Variants in SLC1A1 observed in about 807,000 individuals in gnomAD.
SLC1A1 encodes the protein solute carrier family 1 member 1.
SLC1A1 carries 43 observed loss-of-function variants against 53.3 expected under a neutral mutation model. The ratio of observed to expected loss-of-function variants is 0.81; its 90% CI spans 0.63 to 1.04. The LOEUF (loss-of-function observed/expected upper bound fraction) is 1.04, where lower values mean the gene tolerates loss of function less well. Ranked by LOEUF, SLC1A1 falls within the 50% of genes least tolerant of loss-of-function variation. The probability of loss-of-function intolerance (pLI) is 0.00; values close to 1 mark genes in which losing one functional copy is unlikely to be tolerated. For synonymous variants in SLC1A1, 307 were observed against 243.2 expected, an observed-to-expected ratio of 1.26 and a Z score of -2.44; for missense variants, 748 against 664.9, an observed-to-expected ratio of 1.12 and a Z score of -1.37.
chr9:4,584,722 G>C (rs993535845), intron 11 of SLC1A1, among the ~76,000 whole-genome samples: 3 of 152,166 alleles, frequency 2.0e-5, no homozygotes, highest in African/African-American at 7.2e-5. Context: ...ATTAAGACTG[G>C]ATGAGGGTGG....
At chr9:4,545,189 G>GTCTCTCTCTCTTTCTCTCTC (rs1817373222) in intron 2 of SLC1A1, among the ~76,000 whole-genome samples, 1 of 130,906 alleles carries the variant, frequency 7.6e-6, no homozygotes, top group African/African-American at 2.9e-5. Context: ...TACATTAGAT[G>GTCTCTCTCTCTTTCTCTCTC]TCTCTCTCTC....
intron 4 of SLC1A1, 111 bp from the exon 5 acceptor site, chr9:4,565,936 A>G (rs1819443125): frequency 1.2e-6 from 1 of 866,636 alleles, no homozygotes; most frequent in African/African-American, 1.7e-5. Context: ...AGGGGCCAGA[A>G]GAGAAACCAG....
intron 1 of SLC1A1, among the ~76,000 whole-genome samples, chr9:4,494,096 A>G (rs1461347613): frequency 6.6e-6 from 1 of 152,198 alleles, no homozygotes; most frequent in Non-Finnish European, 1.5e-5. Context: ...CCTCTGCTAA[A>G]ATACCACTAG....
intron 1 of SLC1A1, among the ~76,000 whole-genome samples, chr9:4,491,676 T>C (rs560901040): frequency 6.6e-5 from 10 of 152,340 alleles, no homozygotes; most frequent in Admixed American, 4.6e-4. Flanking sequence ...ATGCACTTCC[T>C]TGGGATTAGC....
At chr9:4,579,170 G>C (rs1820834016) in intron 10 of SLC1A1, among the ~76,000 whole-genome samples, 1 of 152,228 alleles carries the variant, frequency 6.6e-6, no homozygotes, top group Admixed American at 6.5e-5. Flanking sequence ...AAAAGTGTTA[G>C]CGGCTAAAGA....
At chr9:4,534,657 T>A (rs1193732019) in intron 1 of SLC1A1, among the ~76,000 whole-genome samples, 1 of 150,848 alleles carries the variant, frequency 6.6e-6, no homozygotes, top group Admixed American at 6.7e-5. Context: ...GTACCATTCC[T>A]TCTGAAACTA....
chr9:4,535,732 A>G, intron 1 of SLC1A1, among the ~76,000 whole-genome samples: 1 of 152,090 alleles, frequency 6.6e-6, no homozygotes, highest in African/African-American at 2.4e-5. Flanking sequence ...TGGAACCAAA[A>G]AAGAGCCCAC....
At chr9:4,534,061 T>C (rs1401450763) in intron 1 of SLC1A1, among the ~76,000 whole-genome samples, 1 of 152,086 alleles carries the variant, frequency 6.6e-6, no homozygotes, top group Non-Finnish European at 1.5e-5. Context: ...TTCAAAGCAG[T>C]GTGTAGAGGG....
chr9:4,519,604 C>G (rs1214997543), intron 1 of SLC1A1, among the ~76,000 whole-genome samples: 1 of 152,130 alleles, frequency 6.6e-6, no homozygotes, highest in Non-Finnish European at 1.5e-5. Context: ...TTCCTGCAGG[C>G]CAAGGGCAGG....
At chr9:4,571,518 A>G (rs1820046583) in intron 6 of SLC1A1, among the ~76,000 whole-genome samples, 1 of 152,098 alleles carries the variant, frequency 6.6e-6, no homozygotes, top group Non-Finnish European at 1.5e-5. Context: ...TCTACTAAAA[A>G]TACAAAAAAT....
Position 4,585,509 on chromosome 9 carries a change from C to T in SLC1A1, c.1526C>T (p.Ala509Val). 1 of 1,614,192 alleles carries T rather than the reference C, an allele frequency of 6.2e-7. No individual in the cohort carries two copies. The highest frequency in any genetic ancestry group is 8.5e-7 in the Non-Finnish European group (1 of 1,180,026). Residue 509 changes from alanine (A) to valine (V), a missense_variant, in exon 12 of 12, where the codon GCA (alanine) becomes GTA (valine). Physicochemically the swap from Ala to Val is moderately conservative, Grantham distance 64. Transcript: ENST00000262352. Reference protein sequence around the residue: ...TKKSYVNGGFAVDKSDTISFT... With the variant: ...TKKSYVNGGFVVDKSDTISFT... ...AAGTCTTATGTCAATGGAGGCTTTGCAGTAGACAAGTCTGACACCATCTCA... is the reference window on the plus strand; with the variant it reads ...AAGTCTTATGTCAATGGAGGCTTTGTAGTAGACAAGTCTGACACCATCTCA...
intron 2 of SLC1A1, 37 bp downstream of exon 2, chr9:4,544,744 AT>A: frequency 6.5e-7 from 1 of 1,541,416 alleles, no homozygotes; most frequent in Non-Finnish European, 9.0e-7. Flanking sequence ...ATATTAGTCC[AT>A]TTTCATACTG....
chr9:4,525,143 A>G (rs953146154), intron 1 of SLC1A1, among the ~76,000 whole-genome samples: 1 of 152,174 alleles, frequency 6.6e-6, no homozygotes, highest in Non-Finnish European at 1.5e-5. Flanking sequence ...CCTTGACATA[A>G]AGTCTGGAAC....
chr9:4,536,908 C>G (rs532674820), intron 1 of SLC1A1, among the ~76,000 whole-genome samples: 8 of 151,802 alleles, frequency 5.3e-5, no homozygotes, highest in African/African-American at 7.3e-5. Flanking sequence ...ATGTATGAAG[C>G]TGGAAACCAT....
intron 1 of SLC1A1, among the ~76,000 whole-genome samples, chr9:4,515,790 C>T (rs1364494215): frequency 6.6e-6 from 1 of 152,112 alleles, no homozygotes; most frequent in African/African-American, 2.4e-5. Context: ...ATCAAGGGTC[C>T]TCTTCCACCT....
intron 2 of SLC1A1, among the ~76,000 whole-genome samples, chr9:4,546,502 C>T (rs530398688): frequency 2.0e-4 from 31 of 152,084 alleles, no homozygotes; most frequent in South Asian, 1.0e-3. Context: ...AACCAAGAGA[C>T]AACTACTCCA....
At position 4,561,335 on chromosome 9, in the gene SLC1A1, T is replaced by A. The variant is rs138845892; in HGVS notation, c.233-114T>A. 1.1e-3 allele frequency: 826 copies of A among 769,874 alleles called. 7 individuals carry two copies. In the African/African-American group the frequency reaches 0.012, roughly 11 times the overall value. The allele number at this position is 769,874 out of a possible 1,614,324, so 47.7% of individuals were successfully genotyped here. On this transcript the variant is annotated intron_variant, in intron 2 of 11. Coordinates refer to ENST00000262352, the MANE Select transcript of SLC1A1 (RefSeq NM_004170.6). ...GCCCATTGCATGTTATTGCCCATTG[T>A]CTGTAGATGAGAACGCCTCTCAGCT...
At position 4,572,226 on chromosome 9, in the gene SLC1A1, T is replaced by G. The variant is rs1367074462; in HGVS notation, c.605T>G (p.Ile202Ser). 1 of 1,613,324 alleles carries G rather than the reference T, an allele frequency of 6.2e-7. No homozygotes were observed. The highest frequency in any genetic ancestry group is 2.2e-5 in the East Asian group (1 of 44,882). ...ISKNKTKEYKIVGMYSDGINV... is the reference protein window; with the variant it reads ...ISKNKTKEYKSVGMYSDGINV... Reference sequence around the variant, plus strand: ...CAGAACAAAACAAAGGAATACAAAATTGTTGGCATGTATTCAGATGGCATA... The same window carrying G: ...CAGAACAAAACAAAGGAATACAAAAGTGTTGGCATGTATTCAGATGGCATA... The change falls in exon 7 of 12, where the codon ATT becomes AGT. Residue 202 changes from isoleucine to serine, a missense_variant. Ile to Ser is a moderately radical substitution (Grantham distance 142). Transcript: ENST00000262352.
chr9:4,532,366 A>G (rs1016470295), intron 1 of SLC1A1, among the ~76,000 whole-genome samples: 1 of 152,206 alleles, frequency 6.6e-6, no homozygotes, highest in African/African-American at 2.4e-5. Context: ...AGAAGTCCTT[A>G]AAGGACCTGA....
Sources: gnomAD v4.1 joint callset for allele counts (sites outside exome capture counted in the v4.1 genomes callset) on GRCh38, gnomAD v4.1.1 for gene constraint, MANE v1.5 for transcripts, NCBI Gene and HGNC (gene_info 2026-07-23, HGNC 2026-07-21) for gene names.